CDH12: variants seen among roughly 807,000 people sequenced by gnomAD.
The protein encoded by CDH12 is cadherin-12.
In CDH12, 41 loss-of-function variants were observed where a neutral mutation model predicts 74.1. The ratio of observed to expected loss-of-function variants is 0.55; its 90% CI spans 0.43 to 0.72. The LOEUF (loss-of-function observed/expected upper bound fraction) is 0.72, where lower values mean the gene tolerates loss of function less well. Ranked by LOEUF, CDH12 falls within the 30% of genes least tolerant of loss-of-function variation. The pLI is 0.00. For synonymous variants in CDH12, 399 were observed against 355.0 expected, an observed-to-expected ratio of 1.12 and a Z score of -1.39; for missense variants, 945 against 977.2, an observed-to-expected ratio of 0.97 and a Z score of 0.44.
At chr5:22,518,068 T>C (rs1434431169) in intron 1 of CDH12, among the ~76,000 whole-genome samples, 1 of 152,200 alleles carries the variant, frequency 6.6e-6, no homozygotes, top group Non-Finnish European at 1.5e-5. Flanking sequence ...GGTAGTTTTG[T>C]GGGGTCCCTG....
At chr5:22,118,847 T>C (rs922065112) in intron 4 of CDH12, among the ~76,000 whole-genome samples, 2 of 152,046 alleles carry the variant, frequency 1.3e-5, no homozygotes, top group Non-Finnish European at 2.9e-5. Flanking sequence ...ATTACCCTAA[T>C]TGCTTTTCTG....
At chr5:21,896,784 G>T (rs182421736) in intron 6 of CDH12, among the ~76,000 whole-genome samples, 1 of 152,168 alleles carries the variant, frequency 6.6e-6, no homozygotes, top group Admixed American at 6.5e-5. Context: ...TCAGAAAAAT[G>T]AGACTATAGA....
intron 5 of CDH12, among the ~76,000 whole-genome samples, chr5:22,028,363 C>A (rs954527332): frequency 1.5e-4 from 23 of 152,048 alleles, no homozygotes; most frequent in Non-Finnish European, 3.2e-4. Flanking sequence ...TAGAAAACCC[C>A]ATTGTCTCAG....
chr5:21,815,915 A>G (rs1232286656), intron 9 of CDH12, among the ~76,000 whole-genome samples: 1 of 152,218 alleles, frequency 6.6e-6, no homozygotes, highest in Non-Finnish European at 1.5e-5. Flanking sequence ...AAATTAGGTT[A>G]CAATTAAACT....
chr5:22,325,409 A>C (rs948708050), intron 3 of CDH12, among the ~76,000 whole-genome samples: 5 of 152,212 alleles, frequency 3.3e-5, no homozygotes, highest in African/African-American at 7.2e-5. Flanking sequence ...TGTTGATTTC[A>C]AATAATACCA....
chr5:22,466,077 A>T (rs1445719597), intron 2 of CDH12, among the ~76,000 whole-genome samples: 1 of 151,640 alleles, frequency 6.6e-6, no homozygotes, highest in Admixed American at 6.6e-5. Flanking sequence ...ATCTAAATTC[A>T]CTCTAAGTAA....
intron 1 of CDH12, among the ~76,000 whole-genome samples, chr5:22,756,249 C>T (rs534160584): frequency 6.6e-6 from 1 of 152,086 alleles, no homozygotes; most frequent in South Asian, 2.1e-4. Context: ...TTACAAAATA[C>T]TGATTAAAAC....
intron 1 of CDH12, among the ~76,000 whole-genome samples, chr5:22,797,858 C>T (rs1468136977): frequency 3.3e-5 from 5 of 152,096 alleles, no homozygotes; most frequent in Admixed American, 3.3e-4. Context: ...ATATTCTCTC[C>T]TGTATAAAAT....
At chr5:21,814,222 T>A (rs1209604348) in intron 9 of CDH12, among the ~76,000 whole-genome samples, 1 of 151,886 alleles carries the variant, frequency 6.6e-6, no homozygotes, top group African/African-American at 2.4e-5. Context: ...TTATCTACCC[T>A]ATCTAAATCT....
chr5:22,056,848 A>C (rs532850881), intron 5 of CDH12, among the ~76,000 whole-genome samples: 3 of 152,230 alleles, frequency 2.0e-5, no homozygotes, highest in African/African-American at 7.2e-5. Flanking sequence ...GAGGATATTG[A>C]GGCAGTGAGT....
chr5:22,550,254 C>A (rs1299118485), intron 1 of CDH12, among the ~76,000 whole-genome samples: 1 of 151,856 alleles, frequency 6.6e-6, no homozygotes, highest in African/African-American at 2.4e-5. Context: ...CCAGAAAATT[C>A]TATCTAGTGC....
intron 6 of CDH12, among the ~76,000 whole-genome samples, chr5:21,859,644 C>T (rs904481716): frequency 6.6e-6 from 1 of 151,940 alleles, no homozygotes; most frequent in African/African-American, 2.4e-5. Context: ...TTACATTCTG[C>T]TGGCCTAGTA....
intron 3 of CDH12, among the ~76,000 whole-genome samples, chr5:22,287,657 A>G (rs1363118733): frequency 6.7e-6 from 1 of 148,436 alleles, no homozygotes; most frequent in Non-Finnish European, 1.5e-5. Context: ...TGGGAGGCGG[A>G]GCTTGCAGTG....
At chr5:22,155,717 T>C (rs1225520593) in intron 4 of CDH12, among the ~76,000 whole-genome samples, 1 of 152,116 alleles carries the variant, frequency 6.6e-6, no homozygotes, top group Non-Finnish European at 1.5e-5. Context: ...AGAAATACTG[T>C]ATTAGCATAA....
At chr5:22,109,448 G>C (rs1291523357) in intron 4 of CDH12, among the ~76,000 whole-genome samples, 2 of 152,168 alleles carry the variant, frequency 1.3e-5, no homozygotes, top group Non-Finnish European at 2.9e-5. Flanking sequence ...TGGGATTTCA[G>C]GTTCAGGGAA....
intron 4 of CDH12, among the ~76,000 whole-genome samples, chr5:22,183,983 C>T (rs1214350423): frequency 1.3e-5 from 2 of 150,526 alleles, no homozygotes; most frequent in East Asian, 2.0e-4. Flanking sequence ...ATATGAAGAA[C>T]GGCTAGTTTG....
chr5:22,735,297 G>A (rs1327629004), intron 1 of CDH12, among the ~76,000 whole-genome samples: 1 of 151,808 alleles, frequency 6.6e-6, no homozygotes, highest in Admixed American at 6.6e-5. Context: ...ATATATGTGA[G>A]TTTTTATGAG....
At chr5:22,347,820 A>C (rs1456437288) in intron 3 of CDH12, among the ~76,000 whole-genome samples, 1 of 152,180 alleles carries the variant, frequency 6.6e-6, no homozygotes, top group Non-Finnish European at 1.5e-5. Flanking sequence ...AACCTTTGAA[A>C]CATCCAGTGT....
At chr5:22,082,086 C>T (rs1263475345) in intron 4 of CDH12, among the ~76,000 whole-genome samples, 2 of 152,120 alleles carry the variant, frequency 1.3e-5, no homozygotes, top group Admixed American at 6.6e-5. Flanking sequence ...AAATTTTATA[C>T]TTTTTCCATC....
Sources: gnomAD v4.1 joint callset for allele counts (sites outside exome capture counted in the v4.1 genomes callset) on GRCh38, gnomAD v4.1.1 for gene constraint, MANE v1.5 for transcripts, NCBI Gene and HGNC (gene_info 2026-07-23, HGNC 2026-07-21) for gene names.